The following RBFOX1 variants were observed in gnomAD, a reference collection of about 807,000 sequenced individuals.
RBFOX1 encodes RNA binding protein fox-1 homolog 1.
In RBFOX1, 8 loss-of-function variants were observed where a neutral mutation model predicts 57.7. That is an observed-to-expected ratio of 0.14 (90% CI 0.08 to 0.25). The LOEUF is 0.25. Among genes scored for constraint, RBFOX1 ranks in the 10% least tolerant of loss-of-function variants. The pLI, the probability that RBFOX1 is intolerant of heterozygous loss-of-function variation, is 1.00. For missense variants in RBFOX1, 611 were observed against 548.5 expected, an observed-to-expected ratio of 1.11 and a Z score of -1.14; for synonymous variants, 326 against 222.4, an observed-to-expected ratio of 1.47 and a Z score of -4.15.
chr16:6,881,657 G>C (rs2062958840), intron 3 of RBFOX1, among the ~76,000 whole-genome samples: 2 of 152,118 alleles, frequency 1.3e-5, no homozygotes, highest in African/African-American at 4.8e-5. Context: ...TTCAAATAAA[G>C]TCACATTCTT....
In RBFOX1 at chr16:6,178,811, C is replaced by G. The variant is rs933152301; in HGVS notation, c.-126-138184C>G. Among the ~76,000 whole-genome samples, 2 of 152,106 alleles carry G rather than the reference C, an allele frequency of 1.3e-5. 1 individual carries two copies. Among genetic ancestry groups the G allele is most frequent in the African/African-American group, 4.8e-5 (2 of 41,420 alleles). On this transcript the variant is annotated intron_variant, in intron 1 of 15. Transcript: ENST00000550418. ...AACTCACTTTAATTGATCTTTTTAG[C>G]AAGGGCCTGTTTTTCACTTGCAAAT...
chr16:6,820,751 C>G (rs1243671614), intron 3 of RBFOX1, among the ~76,000 whole-genome samples: 1 of 152,102 alleles, frequency 6.6e-6, no homozygotes, highest in East Asian at 1.9e-4. Context: ...CTATAGGCCT[C>G]AAATCGATGC....
At chr16:6,861,431 C>G (rs2058974483) in intron 3 of RBFOX1, among the ~76,000 whole-genome samples, 1 of 152,002 alleles carries the variant, frequency 6.6e-6, no homozygotes, top group African/African-American at 2.4e-5. Flanking sequence ...ATGTAAACTG[C>G]TAATTGCAAG....
At chr16:5,663,725 G>C (rs991124667) in intron 3 of RBFOX1, among the ~76,000 whole-genome samples, 2 of 152,206 alleles carry the variant, frequency 1.3e-5, no homozygotes, top group Non-Finnish European at 2.9e-5. Context: ...CTGCCAGTGA[G>C]CGTGGAAGCA....
At chr16:5,262,746 T>C (rs1037017090) in intron 1 of RBFOX1, among the ~76,000 whole-genome samples, 1 of 151,964 alleles carries the variant, frequency 6.6e-6, no homozygotes, top group South Asian at 2.1e-4. Flanking sequence ...GCAAAGAGGG[T>C]TTGGGAAGAC....
chr16:6,989,338 C>G (rs1250019092), intron 3 of RBFOX1, among the ~76,000 whole-genome samples: 2 of 152,162 alleles, frequency 1.3e-5, no homozygotes, highest in Non-Finnish European at 2.9e-5. Flanking sequence ...CTCTGTCTAT[C>G]TGTATCAGTC....
intron 4 of RBFOX1, among the ~76,000 whole-genome samples, chr16:7,078,984 C>T (rs1182596907): frequency 7.3e-6 from 1 of 136,062 alleles, no homozygotes; most frequent in South Asian, 2.5e-4. Context: ...ACCCTATTTT[C>T]AAATGAGGTC....
intron 3 of RBFOX1, among the ~76,000 whole-genome samples, chr16:5,761,669 C>T (rs2053595491): frequency 6.6e-6 from 1 of 152,182 alleles, no homozygotes; most frequent in Admixed American, 6.5e-5. Flanking sequence ...AATTACCTCT[C>T]ACCGGGTCCT....
chr16:5,559,246 T>C lies in RBFOX1; in HGVS notation c.259-39656T>C, dbSNP rs147368068. On this transcript the variant is annotated intron_variant, in intron 2 of 2. Transcript: ENST00000585867. The stretch of plus-strand genomic sequence containing the variant: ...TTGCCACCCAGCATGGGCAATGGCG[T>C]ACCCCTGTTCTGGTTCTTGGTTTGT... Among the ~76,000 whole-genome samples the C allele has an allele frequency of 3.6e-3, 544 of 150,228 alleles. 7 individuals are homozygous for C. Among genetic ancestry groups the C allele is most frequent in the African/African-American group, 0.013 (514 of 40,770 alleles).
At chr16:5,656,420 G>C (rs1018665973) in intron 3 of RBFOX1, among the ~76,000 whole-genome samples, 3 of 152,016 alleles carry the variant, frequency 2.0e-5, no homozygotes, top group African/African-American at 7.2e-5. Flanking sequence ...GAATAAGTTG[G>C]CATTTTCAAA....
intron 3 of RBFOX1, among the ~76,000 whole-genome samples, chr16:6,859,125 A>ACG (rs2058453363): frequency 4.5e-5 from 3 of 66,302 alleles, no homozygotes; most frequent in Admixed American, 3.6e-4. Flanking sequence ...ATATATATAT[A>ACG]TATACATATA....
intron 2 of RBFOX1, among the ~76,000 whole-genome samples, chr16:6,488,651 G>C (rs1300147941): frequency 3.9e-5 from 6 of 152,126 alleles, no homozygotes; most frequent in Admixed American, 6.5e-5. Context: ...TTAGAATTTA[G>C]CATTTAGAAT....
chr16:6,472,934 A>T (rs2095212312), intron 2 of RBFOX1, among the ~76,000 whole-genome samples: 1 of 151,990 alleles, frequency 6.6e-6, no homozygotes, highest in South Asian at 2.1e-4. Flanking sequence ...CCAGTTTCTT[A>T]TTTAGGACCC....
At chr16:6,271,916 A>G (rs1728151804) in intron 1 of RBFOX1, among the ~76,000 whole-genome samples, 1 of 152,206 alleles carries the variant, frequency 6.6e-6, no homozygotes, top group African/African-American at 2.4e-5. Flanking sequence ...TCCAGAAAAC[A>G]GGAGAGAAAT....
chr16:6,724,832 C>G (rs1440864839), intron 3 of RBFOX1, among the ~76,000 whole-genome samples: 2 of 151,972 alleles, frequency 1.3e-5, no homozygotes, highest in African/African-American at 2.4e-5. Context: ...ACCTATCAAC[C>G]CATCACCTAG....
At chr16:5,470,013 C>A (rs2069080816) in intron 2 of RBFOX1, among the ~76,000 whole-genome samples, 1 of 152,090 alleles carries the variant, frequency 6.6e-6, no homozygotes, top group Admixed American at 6.5e-5. Context: ...TGGGTATATA[C>A]CTAGGAGTGG....
At chr16:6,460,814 C>G (rs1407494430) in intron 2 of RBFOX1, among the ~76,000 whole-genome samples, 1 of 124,868 alleles carries the variant, frequency 8.0e-6, no homozygotes, top group Non-Finnish European at 1.6e-5. Context: ...AATAGAAGCA[C>G]TATTCAGAAT....
chr16:7,169,659 C>G (rs977513305), intron 4 of RBFOX1, among the ~76,000 whole-genome samples: 1 of 152,170 alleles, frequency 6.6e-6, no homozygotes, highest in Non-Finnish European at 1.5e-5. Context: ...ATGACAGAAC[C>G]AAATTTTGGT....
chr16:7,269,971 C>T (rs995264299), intron 4 of RBFOX1, among the ~76,000 whole-genome samples: 1 of 152,134 alleles, frequency 6.6e-6, no homozygotes, highest in Non-Finnish European at 1.5e-5. Context: ...ATTGGTATTG[C>T]CCTGTTTAAA....
Sources: allele counts gnomAD v4.1 joint callset (sites outside exome capture counted in the v4.1 genomes callset), GRCh38; gene constraint gnomAD v4.1.1; transcripts MANE v1.5; gene names NCBI Gene and HGNC (gene_info 2026-07-23, HGNC 2026-07-21).